The following ADAMTSL1 variants were observed in gnomAD, a reference collection of about 807,000 sequenced individuals.
The protein encoded by ADAMTSL1 is ADAMTS-like protein 1.
A neutral mutation model predicts 201.8 loss-of-function variants in ADAMTSL1; 126 were observed. The ratio of observed to expected loss-of-function variants is 0.62; its 90% confidence interval spans 0.54 to 0.72. The LOEUF (loss-of-function observed/expected upper bound fraction) is 0.72, where lower values mean the gene tolerates loss of function less well. ADAMTSL1 is among the 30% of genes least tolerant of loss of function. The pLI is 0.00. For synonymous variants in ADAMTSL1, 1,121 were observed against 903.4 expected (o/e 1.24, Z -4.32); for missense variants, 2,679 against 2,277.8 (o/e 1.18, Z -3.59).
chr9:18,159,881 G>A (rs1827309665), intron 1 of ADAMTSL1, among the ~76,000 whole-genome samples: 1 of 152,086 alleles, frequency 6.6e-6, no homozygotes, highest in Non-Finnish European at 1.5e-5. Context: ...AAAGCCAAAT[G>A]CAAAAGATTC....
intron 2 of ADAMTSL1, among the ~76,000 whole-genome samples, chr9:18,213,756 T>G (rs1829965036): frequency 6.6e-6 from 1 of 152,146 alleles, no homozygotes; most frequent in Admixed American, 6.5e-5. Flanking sequence ...TTTTTTGTCC[T>G]TGAGACAGAG....
At chr9:18,586,054 C>T (rs557042227) in intron 4 of ADAMTSL1, among the ~76,000 whole-genome samples, 1 of 152,288 alleles carries the variant, frequency 6.6e-6, no homozygotes, top group East Asian at 1.9e-4. Context: ...TCTCTCACCA[C>T]TCCTATTCAA....
chr9:18,626,513 G>C (rs1359554492), intron 5 of ADAMTSL1, among the ~76,000 whole-genome samples: 1 of 152,230 alleles, frequency 6.6e-6, no homozygotes, highest in South Asian at 2.1e-4. Flanking sequence ...AAAGAAGCCA[G>C]TGTGACTAAA....
intron 13 of ADAMTSL1, 108 bp downstream of exon 13, chr9:18,684,908 C>A: frequency 7.1e-7 from 1 of 1,413,442 alleles, no homozygotes; most frequent in Admixed American, 3.0e-5. Context: ...GTGTAATCAT[C>A]TCACCAAAGC....
At chr9:18,859,269 C>T (rs1272733338) in intron 23 of ADAMTSL1, among the ~76,000 whole-genome samples, 1 of 152,200 alleles carries the variant, frequency 6.6e-6, no homozygotes, top group African/African-American at 2.4e-5. Flanking sequence ...TCCAGCTCCT[C>T]AAAGCCACCT....
chr9:18,337,544 G>A (rs1279181614), intron 2 of ADAMTSL1, among the ~76,000 whole-genome samples: 1 of 152,078 alleles, frequency 6.6e-6, no homozygotes, highest in Non-Finnish European at 1.5e-5. Context: ...TTTTACAGAT[G>A]AGGAAACTGA....
intron 2 of ADAMTSL1, among the ~76,000 whole-genome samples, chr9:18,272,695 C>T (rs760860040): frequency 1.3e-5 from 2 of 152,144 alleles, no homozygotes; most frequent in African/African-American, 2.4e-5. Context: ...TTCCTACCTA[C>T]CACTTCACAG....
chr9:18,681,699 G>GTGGCGGT, intron 11 of ADAMTSL1, 113 bp from the exon 12 acceptor site: 1 of 287,436 alleles, frequency 3.5e-6, no homozygotes, highest in Non-Finnish European at 5.1e-6. Flanking sequence ...TCCTCGTGTG[G>GTGGCGGT]GGGGGGGGGG....
chr9:18,305,089 G>A (rs983716745), intron 2 of ADAMTSL1, among the ~76,000 whole-genome samples: 11 of 152,120 alleles, frequency 7.2e-5, no homozygotes, highest in South Asian at 4.1e-4. Context: ...TTGCCTCACC[G>A]GGAAAGTACA....
chr9:18,039,690 C>T (rs910141752), intron 1 of ADAMTSL1, among the ~76,000 whole-genome samples: 33 of 152,090 alleles, frequency 2.2e-4, no homozygotes, highest in Admixed American at 1.6e-3. Context: ...GACATGCACA[C>T]GTAGATACAG....
intron 3 of ADAMTSL1, among the ~76,000 whole-genome samples, chr9:18,559,542 A>G (rs1821336941): frequency 6.6e-6 from 1 of 152,172 alleles, no homozygotes; most frequent in Non-Finnish European, 1.5e-5. Flanking sequence ...TAATTCTGTG[A>G]AGAAAGTCAA....
At chr9:18,741,522 T>C (rs1244324476) in intron 15 of ADAMTSL1, among the ~76,000 whole-genome samples, 1 of 152,208 alleles carries the variant, frequency 6.6e-6, no homozygotes, top group African/African-American at 2.4e-5. Context: ...GCAATGTAAA[T>C]AGATGGATTA....
Position 18,171,944 on chromosome 9 carries a change from C to T in ADAMTSL1, c.207+7963C>T, listed in dbSNP as rs554693525. Among the ~76,000 whole-genome samples the T allele has an allele frequency of 2.6e-5, 4 of 152,144 alleles. No individual in the cohort carries two copies. The South Asian group carries it at 6.2e-4, about 24-fold the overall frequency. ...CCATTTATTAAATAGGGAATCCTTT[C>T]CCCATTTCTTGTTTTTTCACGTTTG... On this transcript the variant is annotated intron_variant, in intron 2 of 29. Coordinates refer to the ADAMTSL1 transcript ENST00000680146.
At chr9:18,713,109 T>G (rs1164917571) in intron 14 of ADAMTSL1, among the ~76,000 whole-genome samples, 1 of 150,518 alleles carries the variant, frequency 6.6e-6, no homozygotes, top group Non-Finnish European at 1.5e-5. Context: ...GCGCTAAACA[T>G]GGAAAGGAAC....
intron 2 of ADAMTSL1, among the ~76,000 whole-genome samples, chr9:18,166,093 C>T (rs1440879805): frequency 6.6e-6 from 1 of 151,898 alleles, no homozygotes; most frequent in East Asian, 1.9e-4. Context: ...GAGCAGCATA[C>T]TCTGTTTGTA....
intron 2 of ADAMTSL1, among the ~76,000 whole-genome samples, chr9:18,338,620 A>G (rs1835345749): frequency 6.6e-6 from 1 of 151,626 alleles, no homozygotes; most frequent in African/African-American, 2.4e-5. Context: ...CTTATTTTTC[A>G]TTTTTTACAG....
At chr9:18,508,270 C>T (rs1817803168) in intron 2 of ADAMTSL1, among the ~76,000 whole-genome samples, 1 of 152,100 alleles carries the variant, frequency 6.6e-6, no homozygotes, top group African/African-American at 2.4e-5. Context: ...TTGTGTGTCC[C>T]TGGCTTTCTC....
At chr9:17,943,805 T>C (rs956172891) in intron 1 of ADAMTSL1, among the ~76,000 whole-genome samples, 3 of 152,030 alleles carry the variant, frequency 2.0e-5, no homozygotes, top group Admixed American at 2.0e-4. Context: ...TTTAATTGGC[T>C]TACAGTTTTG....
At chr9:18,514,126 G>A (rs996534032) in intron 2 of ADAMTSL1, among the ~76,000 whole-genome samples, 2 of 152,036 alleles carry the variant, frequency 1.3e-5, no homozygotes, top group African/African-American at 2.4e-5. Flanking sequence ...CCATGAACAT[G>A]GAAGGTTTTA....
Sources: allele counts gnomAD v4.1 joint callset (sites outside exome capture counted in the v4.1 genomes callset), GRCh38; gene constraint gnomAD v4.1.1; transcripts MANE v1.5; gene names NCBI Gene and HGNC (gene_info 2026-07-23, HGNC 2026-07-21).